KLF12: variants seen among roughly 807,000 people sequenced by gnomAD.
The protein encoded by KLF12 is KLF transcription factor 12.
In KLF12, 9 loss-of-function variants were observed where a neutral mutation model predicts 37.8. The observed-to-expected ratio is 0.24, with a 90% confidence interval of 0.14 to 0.42. The LOEUF is 0.42. Ranked by LOEUF, KLF12 falls within the 10% of genes least tolerant of loss-of-function variation. KLF12 has a pLI of 1.00. For missense variants in KLF12, 411 were observed against 516.0 expected (o/e 0.80, Z 1.97); for synonymous variants, 208 against 202.1 (o/e 1.03, Z -0.25).
the KLF12 span, among the ~76,000 whole-genome samples, chr13:74,153,982 C>G: frequency 6.6e-6 from 1 of 151,938 alleles, no homozygotes; most frequent in African/African-American, 2.4e-5. Flanking sequence ...AATCCCAGCA[C>G]TTTTGGAGGC....
the KLF12 span, among the ~76,000 whole-genome samples, chr13:74,162,473 C>G: frequency 2.0e-3 from 299 of 152,350 alleles, 1 homozygote; most frequent in African/African-American, 6.8e-3. Flanking sequence ...TGGGGGTTCC[C>G]TGTGCCTTCC....
At chr13:74,109,524 G>A (rs527427131) in intron 1 of KLF12, among the ~76,000 whole-genome samples, 72 of 152,060 alleles carry the variant, frequency 4.7e-4, no homozygotes, top group African/African-American at 1.6e-3. Flanking sequence ...CTAGAACACA[G>A]GAAAAGATGG....
At chr13:73,953,879 A>G (rs1188085227) in intron 2 of KLF12, among the ~76,000 whole-genome samples, 2 of 152,166 alleles carry the variant, frequency 1.3e-5, no homozygotes, top group Non-Finnish European at 2.9e-5. Context: ...AACAAGAAAG[A>G]GCAAGCAACC....
Position 73,803,772 on chromosome 13 carries a change from TCACACACACACACACACACACA to T in KLF12, c.806+9358_806+9379del, listed in dbSNP as rs4053528. ...CTGAGCAGCACAACATACTGCAGAG[TCACACACACACACACACACACA>T]CACACACACACACACACACACACTT... On this transcript the variant is annotated intron_variant, in intron 5 of 7. Transcript: ENST00000377669. Among the ~76,000 whole-genome samples, 366 of 142,056 alleles carry T rather than the reference TCACACACACACACACACACACA, an allele frequency of 2.6e-3. 3 individuals carry two copies. The highest frequency in any genetic ancestry group is 0.023 in the South Asian group (95 of 4,166). 93.2% of individuals were successfully genotyped at this position (142,056 alleles called of 152,430 possible).
chr13:74,147,571 A>G, the KLF12 span, among the ~76,000 whole-genome samples: 8 of 152,184 alleles, frequency 5.3e-5, no homozygotes, highest in Admixed American at 5.2e-4. Flanking sequence ...TCCAAGGAAC[A>G]TGAGTTTCGA....
chr13:73,977,435 T>G (rs1168524381), intron 2 of KLF12, among the ~76,000 whole-genome samples: 1 of 152,110 alleles, frequency 6.6e-6, no homozygotes, highest in African/African-American at 2.4e-5. Context: ...AAAATTAGTA[T>G]CAAACAGACT....
At chr13:73,951,420 T>C (rs1269167633) in intron 2 of KLF12, among the ~76,000 whole-genome samples, 1 of 152,212 alleles carries the variant, frequency 6.6e-6, no homozygotes, top group Non-Finnish European at 1.5e-5. Flanking sequence ...TCCAAGATTA[T>C]GAAAATGACA....
chr13:73,796,137 TA>T (rs1258362716), intron 5 of KLF12, among the ~76,000 whole-genome samples: 2 of 152,188 alleles, frequency 1.3e-5, no homozygotes, highest in Non-Finnish European at 2.9e-5. Flanking sequence ...AGGAACTGTC[TA>T]AAATTTTCTC....
At chr13:73,705,402 T>C (rs1473705805) in intron 7 of KLF12, among the ~76,000 whole-genome samples, 1 of 152,142 alleles carries the variant, frequency 6.6e-6, no homozygotes, top group Non-Finnish European at 1.5e-5. Context: ...GACTCCTGAG[T>C]AGCTGGTACT....
At chr13:73,996,155 T>A (rs12856035) in intron 1 of KLF12, among the ~76,000 whole-genome samples, 3 of 152,208 alleles carry the variant, frequency 2.0e-5, no homozygotes, top group Non-Finnish European at 2.9e-5. Flanking sequence ...TAAATATATA[T>A]GTCTCTCTTG....
intron 3 of KLF12, among the ~76,000 whole-genome samples, chr13:73,904,212 T>C (rs1888165202): frequency 6.6e-6 from 1 of 152,180 alleles, no homozygotes; most frequent in African/African-American, 2.4e-5. Flanking sequence ...TACCTGTTAA[T>C]TATAGCTATT....
Position 73,897,521 on chromosome 13 carries a change from C to A in KLF12, c.123+46460G>T, listed in dbSNP as rs1045000049. ...TATAGACCAATACCAAACGACGTGG[C>A]ATTCCAGAACAGAAACTCCTGCCTC... On this transcript the variant is annotated intron_variant, in intron 3 of 7. Transcript: ENST00000377669. 4.0e-5 allele frequency among the ~76,000 whole-genome samples: 6 copies of A among 151,630 alleles called. No individual in the cohort carries two copies. The South Asian group carries it at 1.3e-3, about 32-fold the overall frequency.
At chr13:74,125,255 T>A (rs1877879047) in intron 1 of KLF12, among the ~76,000 whole-genome samples, 1 of 152,040 alleles carries the variant, frequency 6.6e-6, no homozygotes. Context: ...ATATAACGAA[T>A]CTTTTCCATA....
intron 5 of KLF12, among the ~76,000 whole-genome samples, chr13:73,811,728 A>C (rs542746357): frequency 2.0e-5 from 3 of 152,266 alleles, no homozygotes; most frequent in Non-Finnish European, 2.9e-5. Flanking sequence ...CTTGCATGGA[A>C]ATTTGTATCC....
chr13:73,750,261 A>G lies in KLF12; in HGVS notation c.869+14677T>C, dbSNP rs554291220. On this transcript the variant is annotated intron_variant, in intron 6 of 7. Transcript: ENST00000377669. ...ATCAAAATGTGGAAAGGGAACCACC[A>G]AAGTCAGGCGGCAGAAGTTCTAAGT... 2.8e-4 allele frequency among the ~76,000 whole-genome samples: 42 copies of G among 152,346 alleles called. 1 individual carries two copies. Among genetic ancestry groups the G allele is most frequent in the African/African-American group, 9.9e-4 (41 of 41,582 alleles).
chr13:73,843,783 T>C (rs1011938497), intron 4 of KLF12, among the ~76,000 whole-genome samples: 4 of 152,164 alleles, frequency 2.6e-5, no homozygotes, highest in Non-Finnish European at 4.4e-5. Flanking sequence ...AATCTCATAT[T>C]CCTAATGACC....
In KLF12 at chr13:73,717,444, A is replaced by G. The variant is rs1430096633; in HGVS notation, c.870-1919T>C. ...CATTTCCCAAGTGACGGACATATAG[A>G]CTACTTGTAATTTGCACTTTCATAT... is the stretch of plus-strand genomic sequence containing the variant. On this transcript the variant is annotated intron_variant, in intron 6 of 7. Coordinates refer to ENST00000377669, the MANE Select transcript of KLF12 (RefSeq NM_007249.5). Among the ~76,000 whole-genome samples, 9 of 152,318 alleles carry G rather than the reference A, an allele frequency of 5.9e-5. No individual in the cohort carries two copies. In the East Asian group the frequency reaches 1.7e-3, roughly 29 times the overall value.
the KLF12 span, among the ~76,000 whole-genome samples, chr13:74,260,350 G>A: frequency 6.6e-6 from 1 of 151,958 alleles, no homozygotes; most frequent in Admixed American, 6.6e-5. Context: ...GAGGCCAGGA[G>A]TTAGAGACCA....
the KLF12 span, among the ~76,000 whole-genome samples, chr13:74,272,947 C>T: frequency 2.0e-5 from 3 of 152,058 alleles, no homozygotes; most frequent in African/African-American, 7.2e-5. Flanking sequence ...AAAGAATAGA[C>T]CAGCTGTAAG....
Sources: gnomAD v4.1 joint callset for allele counts (sites outside exome capture counted in the v4.1 genomes callset) on GRCh38, gnomAD v4.1.1 for gene constraint, MANE v1.5 for transcripts, NCBI Gene and HGNC (gene_info 2026-07-23, HGNC 2026-07-21) for gene names.